RAB28: variants seen among roughly 807,000 people sequenced by gnomAD.
RAB28 encodes ras-related protein Rab-28.
In RAB28, 24 loss-of-function variants were observed where a neutral mutation model predicts 31.7. The ratio of observed to expected loss-of-function variants is 0.76; its 90% CI spans 0.55 to 1.06. RAB28 has a LOEUF of 1.06. Ranked by LOEUF, RAB28 falls within the 50% of genes least tolerant of loss-of-function variation. RAB28 has a pLI of 0.00. For missense variants in RAB28, 254 were observed against 258.5 expected, an observed-to-expected ratio of 0.98 and a Z score of 0.12; for synonymous variants, 100 against 90.4, an observed-to-expected ratio of 1.11 and a Z score of -0.60.
chr4:13,427,201 G>A (rs1713551144), intron 4 of RAB28, among the ~76,000 whole-genome samples: 1 of 152,148 alleles, frequency 6.6e-6, no homozygotes, highest in East Asian at 1.9e-4. Flanking sequence ...AATCTATATT[G>A]TATTTGATAT....
intron 4 of RAB28, among the ~76,000 whole-genome samples, chr4:13,443,030 T>A (rs1415528817): frequency 6.6e-6 from 1 of 152,238 alleles, no homozygotes; most frequent in Admixed American, 6.5e-5. Flanking sequence ...CAATTTCTCA[T>A]CTTTTAAACT....
At chr4:13,422,562 A>G (rs1192122039) in intron 4 of RAB28, among the ~76,000 whole-genome samples, 2 of 152,202 alleles carry the variant, frequency 1.3e-5, no homozygotes, top group Non-Finnish European at 2.9e-5. Flanking sequence ...GGAAAATACT[A>G]TGCAGCCATA....
At chr4:13,436,189 C>T (rs1046304718) in intron 4 of RAB28, among the ~76,000 whole-genome samples, 2 of 152,004 alleles carry the variant, frequency 1.3e-5, no homozygotes, top group African/African-American at 4.8e-5. Context: ...ACAAACTAGA[C>T]ATCAAAGAAA....
At chr4:13,393,271 G>A (rs1444653305) in intron 4 of RAB28, among the ~76,000 whole-genome samples, 1 of 152,198 alleles carries the variant, frequency 6.6e-6, no homozygotes, top group Non-Finnish European at 1.5e-5. Flanking sequence ...GAAAAAATCA[G>A]TCAGATAGCC....
intron 4 of RAB28, among the ~76,000 whole-genome samples, chr4:13,446,018 A>G (rs1014126991): frequency 6.6e-6 from 1 of 152,106 alleles, no homozygotes; most frequent in Non-Finnish European, 1.5e-5. Context: ...TGAGAGTTCT[A>G]TCTGTAAGCC....
intron 4 of RAB28, among the ~76,000 whole-genome samples, chr4:13,439,155 T>C (rs557805356): frequency 5.3e-5 from 8 of 152,224 alleles, no homozygotes; most frequent in Non-Finnish European, 1.0e-4. Context: ...TTCAAGTATT[T>C]TCTATACGAT....
chr4:13,406,707 G>A (rs943276604), intron 4 of RAB28, among the ~76,000 whole-genome samples: 1 of 152,230 alleles, frequency 6.6e-6, no homozygotes, highest in South Asian at 2.1e-4. Flanking sequence ...ACTGGCATGA[G>A]ATGGTATCTC....
rs146921532 is a variant in RAB28, at chr4:13,459,555, C to G, written c.391+1144G>C. 4.6e-3 allele frequency among the ~76,000 whole-genome samples: 696 copies of G among 152,136 alleles called. 5 individuals are homozygous for G. The highest frequency in any genetic ancestry group is 0.016 in the African/African-American group (664 of 41,500). On this transcript the variant is annotated intron_variant, in intron 4 of 6. Transcript: ENST00000330852. ...GCATTGCAGAACTAGGAACCAAAAA[C>G]CAGTCATGTACTGAGTTCAGTTTTA...
At chr4:13,386,457 G>A (rs1288212551) in intron 4 of RAB28, among the ~76,000 whole-genome samples, 7 of 151,824 alleles carry the variant, frequency 4.6e-5, no homozygotes, top group African/African-American at 1.7e-4. Flanking sequence ...GACCTGAACA[G>A]ATACTTCTCA....
chr4:13,384,769 T>G (rs887354976), intron 4 of RAB28, among the ~76,000 whole-genome samples: 4 of 152,142 alleles, frequency 2.6e-5, no homozygotes, highest in African/African-American at 9.7e-5. Flanking sequence ...TGAGAAAGAA[T>G]GAACATAAGA....
Position 13,479,732 on chromosome 4 carries a change from G to A in RAB28, c.76-206C>T, listed in dbSNP as rs559039892. ...GCCAGCAGCTATCGGTAGGGACAAC[G>A]AACTAATGAGTTAGATCTCTTTAAA... is the stretch of plus-strand genomic sequence containing the variant. On this transcript the variant is annotated intron_variant, in intron 1 of 6. Coordinates refer to ENST00000330852, the MANE Select transcript of RAB28 (RefSeq NM_001017979.3). Among the ~76,000 whole-genome samples the A allele has an allele frequency of 4.6e-5, 7 of 151,414 alleles. No individual in the cohort carries two copies. The South Asian group carries it at 6.2e-4, about 13-fold the overall frequency.
At chr4:13,415,301 C>T (rs1712692372) in intron 4 of RAB28, among the ~76,000 whole-genome samples, 1 of 152,196 alleles carries the variant, frequency 6.6e-6, no homozygotes, top group African/African-American at 2.4e-5. Flanking sequence ...CCCACTTTGG[C>T]GGCACTTGAG....
At chr4:13,476,290 T>C (rs1716357106) in intron 2 of RAB28, among the ~76,000 whole-genome samples, 1 of 151,496 alleles carries the variant, frequency 6.6e-6, no homozygotes, top group Non-Finnish European at 1.5e-5. Flanking sequence ...CTGTCTCCCA[T>C]CTAAGAGGTT....
At chr4:13,477,607 A>G (rs1022211217) in intron 2 of RAB28, among the ~76,000 whole-genome samples, 4 of 151,262 alleles carry the variant, frequency 2.6e-5, no homozygotes, top group Non-Finnish European at 4.4e-5. Flanking sequence ...AATTTCTACC[A>G]TAAGTTTGAG....
chr4:13,471,909 C>A (rs528182017), intron 3 of RAB28, among the ~76,000 whole-genome samples: 26 of 152,128 alleles, frequency 1.7e-4, no homozygotes, highest in African/African-American at 6.0e-4. Context: ...AGAACTATAA[C>A]ATTCACTTTC....
chr4:13,380,659 C>A (rs895264526), intron 5 of RAB28, among the ~76,000 whole-genome samples: 5 of 151,994 alleles, frequency 3.3e-5, no homozygotes, highest in African/African-American at 9.7e-5. Flanking sequence ...GTAGTTATGG[C>A]AATCATACAA....
At chr4:13,416,433 G>A (rs570131033) in intron 4 of RAB28, among the ~76,000 whole-genome samples, 10 of 152,254 alleles carry the variant, frequency 6.6e-5, no homozygotes, top group South Asian at 2.1e-4. Flanking sequence ...GCGAGGGTCC[G>A]CGGCTTCATT....
intron 4 of RAB28, among the ~76,000 whole-genome samples, chr4:13,384,183 G>C (rs964331985): frequency 2.5e-4 from 38 of 152,256 alleles, no homozygotes; most frequent in African/African-American, 7.9e-4. Context: ...CCCCACCTGA[G>C]TGATCATGCA....
chr4:13,391,916 G>C (rs1236400719), intron 4 of RAB28, among the ~76,000 whole-genome samples: 4 of 151,544 alleles, frequency 2.6e-5, no homozygotes, highest in Non-Finnish European at 4.4e-5. Flanking sequence ...GAGGTGGGGG[G>C]CTGGGGGAGG....
Sources: gnomAD v4.1 joint callset for allele counts (sites outside exome capture counted in the v4.1 genomes callset) on GRCh38, gnomAD v4.1.1 for gene constraint, MANE v1.5 for transcripts, NCBI Gene and HGNC (gene_info 2026-07-23, HGNC 2026-07-21) for gene names.